The following CPED1 variants were observed in gnomAD, a reference collection of about 807,000 sequenced individuals.
CPED1 encodes cadherin like and PC-esterase domain containing 1.
A neutral mutation model predicts 128.2 loss-of-function variants in CPED1; 114 were observed. The observed-to-expected ratio is 0.89, with a 90% CI of 0.76 to 1.04. CPED1 has a LOEUF of 1.04. Among genes scored for constraint, CPED1 ranks in the 50% least tolerant of loss-of-function variants. The pLI, the probability that CPED1 is intolerant of heterozygous loss-of-function variation, is 0.00. For synonymous variants in CPED1, 462 were observed against 426.7 expected, an observed-to-expected ratio of 1.08 and a Z score of -1.02; for missense variants, 1,211 against 1,207.1, an observed-to-expected ratio of 1.00 and a Z score of -0.05.
At chr7:121,269,910 T>C (rs549925446) in intron 21 of CPED1, among the ~76,000 whole-genome samples, 1 of 152,052 alleles carries the variant, frequency 6.6e-6, no homozygotes, top group Admixed American at 6.6e-5. Context: ...CAGCATCTGC[T>C]CTGGTGAGGC....
At position 121,208,742 on chromosome 7, in the gene CPED1, G is replaced by T. The variant is rs548577813; in HGVS notation, c.2056-27972G>T. Among the ~76,000 whole-genome samples the T allele has an allele frequency of 5.9e-5, 9 of 152,070 alleles. No individual in the cohort carries two copies. In the East Asian group the frequency reaches 1.8e-3, roughly 30 times the overall value. On this transcript the variant is annotated intron_variant, in intron 16 of 22. Coordinates refer to ENST00000310396, the MANE Select transcript of CPED1 (RefSeq NM_024913.5). ...CTGGTTTCCAGTGTTCTGCATTCAA[G>T]TGAGTTTCACAGGCGAACTCCACAG...
intron 18 of CPED1, among the ~76,000 whole-genome samples, chr7:121,252,005 A>G (rs980502096): frequency 3.6e-4 from 55 of 151,824 alleles, no homozygotes; most frequent in Middle Eastern, 3.4e-3. Context: ...CGCATTGCCA[A>G]GTCAATCCTA....
intron 7 of CPED1, among the ~76,000 whole-genome samples, chr7:121,119,834 C>T (rs1282950470): frequency 6.6e-6 from 1 of 152,030 alleles, no homozygotes; most frequent in Non-Finnish European, 1.5e-5. Flanking sequence ...TCCACCTCCT[C>T]CCAGCCCCCA....
intron 5 of CPED1, among the ~76,000 whole-genome samples, chr7:121,085,785 T>A (rs538743051): frequency 1.3e-5 from 2 of 152,330 alleles, no homozygotes; most frequent in East Asian, 1.9e-4. Context: ...TCATTGACGA[T>A]AGGGTTTAAA....
At chr7:121,173,198 C>G (rs963263502) in intron 16 of CPED1, among the ~76,000 whole-genome samples, 1 of 152,080 alleles carries the variant, frequency 6.6e-6, no homozygotes, top group Non-Finnish European at 1.5e-5. Context: ...CATCTCCATA[C>G]TCATTTACTT....
chr7:121,206,040 G>C (rs1269320804), intron 16 of CPED1, among the ~76,000 whole-genome samples: 1 of 151,984 alleles, frequency 6.6e-6, no homozygotes, highest in African/African-American at 2.4e-5. Flanking sequence ...CTCCCTCTAT[G>C]TAAGTACAGG....
At chr7:121,222,810 T>C (rs1458423158) in intron 16 of CPED1, among the ~76,000 whole-genome samples, 2 of 152,210 alleles carry the variant, frequency 1.3e-5, no homozygotes, top group African/African-American at 4.8e-5. Context: ...TGATTTTGTA[T>C]CCTGAGACTT....
intron 22 of CPED1, among the ~76,000 whole-genome samples, chr7:121,284,403 C>T (rs371350809): frequency 1.2e-4 from 18 of 152,208 alleles, no homozygotes; most frequent in Admixed American, 3.9e-4. Flanking sequence ...CATTTCAAAA[C>T]GTAATCATGC....
At chr7:121,214,935 G>A (rs1880365) in intron 16 of CPED1, among the ~76,000 whole-genome samples, 150,083 of 152,148 alleles carry the variant, frequency 0.99, 74,060 homozygotes, top group Middle Eastern at 1. Context: ...GAGAGATGCA[G>A]TTTATGACAT....
At chr7:121,268,540 C>T (rs1248966121) in intron 21 of CPED1, among the ~76,000 whole-genome samples, 37 of 152,048 alleles carry the variant, frequency 2.4e-4, no homozygotes, top group Non-Finnish European at 4.4e-5. Flanking sequence ...AAGCAGAAAA[C>T]AAATTCAAAC....
At chr7:121,256,124 C>CAAAAAAAAAAA (rs1333114209) in intron 18 of CPED1, among the ~76,000 whole-genome samples, 1 of 45,338 alleles carries the variant, frequency 2.2e-5, no homozygotes. Flanking sequence ...AAAAAAAAAA[C>CAAAAAAAAAAA]AAAACAAAAA....
At chr7:121,100,144 G>A (rs2116224982) in intron 7 of CPED1, 50 bp downstream of exon 7, 1 of 1,551,028 alleles carries the variant, frequency 6.4e-7, no homozygotes, top group Non-Finnish European at 8.9e-7. Context: ...CTGAAGTAAA[G>A]TAAAGTGAGT....
intron 5 of CPED1, among the ~76,000 whole-genome samples, chr7:121,086,693 A>G (rs183645250): frequency 1.3e-5 from 2 of 152,336 alleles, no homozygotes; most frequent in East Asian, 3.9e-4. Context: ...AACATTCTCC[A>G]AGATAGTGGC....
Position 121,192,489 on chromosome 7 carries a change from A to C in CPED1, c.2056-44225A>C, listed in dbSNP as rs552068256. Among the ~76,000 whole-genome samples, 48 of 152,274 alleles carry C rather than the reference A, an allele frequency of 3.2e-4. 1 individual carries two copies. Among genetic ancestry groups the C allele is most frequent in the Middle Eastern group, 3.4e-3 (1 of 294 alleles). On this transcript the variant is annotated intron_variant, in intron 16 of 22. Transcript: ENST00000310396. ...GGATGGATGATATGCATGAGTGTAC[A>C]TGCTGCTTTGGGTCTGTGCTCTCTA...
intron 16 of CPED1, among the ~76,000 whole-genome samples, chr7:121,147,921 G>A (rs2116390113): frequency 6.6e-6 from 1 of 152,206 alleles, no homozygotes; most frequent in East Asian, 1.9e-4. Flanking sequence ...AATGACTTCA[G>A]TTATGATATT....
At chr7:121,131,313 A>G (rs558227943) in intron 12 of CPED1, among the ~76,000 whole-genome samples, 1 of 152,164 alleles carries the variant, frequency 6.6e-6, no homozygotes, top group African/African-American at 2.4e-5. Context: ...TTTCCTCAAT[A>G]CCTGGAAGTA....
At chr7:121,053,492 C>T (rs1262908088) in intron 4 of CPED1, among the ~76,000 whole-genome samples, 1 of 152,150 alleles carries the variant, frequency 6.6e-6, no homozygotes, top group Non-Finnish European at 1.5e-5. Context: ...CATATGATGT[C>T]CTTGTCTCTT....
chr7:121,184,091 T>C lies in CPED1; in HGVS notation c.2055+41950T>C, dbSNP rs368464995. Among the ~76,000 whole-genome samples, 31 of 151,300 alleles carry C rather than the reference T, an allele frequency of 2.0e-4. No homozygotes were observed. In the East Asian group the frequency reaches 4.7e-3, roughly 23 times the overall value. On this transcript the variant is annotated intron_variant, in intron 16 of 22. Transcript: ENST00000310396. ...GGGGACGGAGGTTGCAGTGAGCCAA[T>C]ATTCGCGCCACTGCACTGCAGCCTG...
intron 16 of CPED1, among the ~76,000 whole-genome samples, chr7:121,223,370 C>G (rs955773714): frequency 6.6e-6 from 1 of 151,872 alleles, no homozygotes; most frequent in Non-Finnish European, 1.5e-5. Context: ...AGTATTTTAT[C>G]GAGGATTTTC....
Sources: allele counts gnomAD v4.1 joint callset (sites outside exome capture counted in the v4.1 genomes callset), GRCh38; gene constraint gnomAD v4.1.1; transcripts MANE v1.5; gene names NCBI Gene and HGNC (gene_info 2026-07-23, HGNC 2026-07-21).